Variants in RNF114 observed in about 807,000 individuals in gnomAD.
RNF114 encodes the protein ring finger protein 114.
RNF114 carries 6 observed loss-of-function variants against 28.4 expected under a neutral mutation model. That is an observed-to-expected ratio of 0.21 (90% CI 0.12 to 0.42). The LOEUF (loss-of-function observed/expected upper bound fraction) is 0.42, where lower values mean the gene tolerates loss of function less well. Among genes scored for constraint, RNF114 ranks in the 10% least tolerant of loss-of-function variants. RNF114 has a pLI of 1.00. For missense variants in RNF114, 249 were observed against 311.7 expected (o/e 0.80, Z 1.51); for synonymous variants, 115 against 116.7 (o/e 0.99, Z 0.09).
At chr20:49,939,227 C>T (rs1206019951) in intron 1 of RNF114, among the ~76,000 whole-genome samples, 3 of 152,206 alleles carry the variant, frequency 2.0e-5, no homozygotes, top group Admixed American at 6.5e-5. Context: ...ATTTGTGTTT[C>T]CCTTCACTCT....
intron 5 of RNF114, 45 bp downstream of exon 5, chr20:49,949,400 C>CA (rs1314640726): frequency 1.3e-6 from 2 of 1,482,490 alleles, no homozygotes; most frequent in African/African-American, 2.8e-5. Context: ...GGGGGAGTGG[C>CA]ACGGCTACTT....
At position 49,940,053 on chromosome 20, in the gene RNF114, CAAA is replaced by C. The variant is rs71190515; in HGVS notation, c.141-1488_141-1486del. Among the ~76,000 whole-genome samples the C allele has an allele frequency of 1.9e-3, 142 of 75,554 alleles. 1 individual carries two copies. In the Middle Eastern group the frequency reaches 0.02, roughly 11 times the overall value. 49.6% of individuals were successfully genotyped at this position (75,554 alleles called of 152,430 possible). ...TGGGCAACAGAGCACGACTCTGTCTCAAAAAAAAAAAAAAAAAAAAAAGTAACA... is the reference window on the plus strand; with the variant it reads ...TGGGCAACAGAGCACGACTCTGTCTCAAAAAAAAAAAAAAAAAAAGTAACA... On this transcript the variant is annotated intron_variant, in intron 1 of 5. Transcript: ENST00000244061.
intron 2 of RNF114, 128 bp from the exon 3 acceptor site, chr20:49,945,254 C>G: frequency 1.6e-6 from 1 of 619,920 alleles, no homozygotes; most frequent in Non-Finnish European, 3.0e-6. Context: ...TCAGCGTAGT[C>G]AGGAGTTTGG....
chr20:49,936,968 T>C (rs1232339593), intron 1 of RNF114, among the ~76,000 whole-genome samples: 2 of 152,056 alleles, frequency 1.3e-5, no homozygotes, highest in East Asian at 1.9e-4. Context: ...TGGCGAGTTA[T>C]TCTACTGTGC....
At chr20:49,943,822 C>CTCTATATA (rs1555857450) in intron 2 of RNF114, 1 of 118,326 alleles carries the variant, frequency 8.5e-6, no homozygotes, top group Non-Finnish European at 1.7e-5. Context: ...CCACGCCCAG[C>CTCTATATA]TATATATATA....
At position 49,953,062 on chromosome 20, in the gene RNF114, C is replaced by A. The variant is rs1293957861; in HGVS notation, c.*921C>A. On this transcript the variant is annotated 3_prime_UTR_variant, in exon 6 of 6. Transcript: ENST00000244061. ...TTTGGGGACTCAGCGGATACTAGTTCTTTTACCTTCTGCTTGGTAACTTAG... is the reference window on the plus strand; with the variant it reads ...TTTGGGGACTCAGCGGATACTAGTTATTTTACCTTCTGCTTGGTAACTTAG... 2 of 152,112 alleles carry A rather than the reference C, an allele frequency of 1.3e-5. No homozygotes were observed. Among genetic ancestry groups the A allele is most frequent in the Non-Finnish European group, 2.9e-5 (2 of 68,018 alleles). The allele number at this position is 152,112 out of a possible 1,614,324, so 9.4% of individuals were successfully genotyped here. A position where few individuals can be genotyped will look rare whatever the true frequency, so the allele number is the denominator to read the frequency against.
At chr20:49,945,341 GGT>G in intron 2 of RNF114, 39 bp from the exon 3 acceptor site, 1 of 1,321,764 alleles carries the variant, frequency 7.6e-7, no homozygotes, top group Non-Finnish European at 1.1e-6. Flanking sequence ...CCTGTTGCAA[GGT>G]CCTCACTAAC....
At chr20:49,947,769 GTTTTTTTTTTTTTTTTTTTTT>G (rs71190519) in intron 4 of RNF114, among the ~76,000 whole-genome samples, 9 of 50,422 alleles carry the variant, frequency 1.8e-4, no homozygotes, top group South Asian at 9.4e-4. Context: ...CCCTCTGCAA[GTTTTTTTTTTTTTTTTTTTTT>G]TTTTTTTTTT....
At chr20:49,946,072 G>A (rs1372860321) in intron 3 of RNF114, 64 bp from the exon 4 acceptor site, 3 of 811,634 alleles carry the variant, frequency 3.7e-6, no homozygotes, top group African/African-American at 1.7e-5. Context: ...GTGTACTGTG[G>A]TTGAAGTTTA....
chr20:49,951,972 C>T (rs2090356894), intron 5 of RNF114, 104 bp from the exon 6 acceptor site: 35 of 906,514 alleles, frequency 3.9e-5, no homozygotes, highest in Non-Finnish European at 5.4e-6. Flanking sequence ...CGGTCCCTGG[C>T]AACCTGCTCC....
At chr20:49,950,265 T>C (rs1347690854) in intron 5 of RNF114, among the ~76,000 whole-genome samples, 1 of 148,676 alleles carries the variant, frequency 6.7e-6, no homozygotes, top group African/African-American at 2.5e-5. Context: ...AACAAGAAGA[T>C]GATCTGGTCA....
intron 5 of RNF114, among the ~76,000 whole-genome samples, chr20:49,950,078 C>T (rs987940739): frequency 2.6e-5 from 4 of 151,690 alleles, no homozygotes; most frequent in Non-Finnish European, 4.4e-5. Context: ...AGTGAAATCC[C>T]GTCTTTACTA....
intron 5 of RNF114, among the ~76,000 whole-genome samples, 199 bp downstream of exon 5, chr20:49,949,554 A>C (rs2090347734): frequency 6.6e-6 from 1 of 152,198 alleles, no homozygotes; most frequent in African/African-American, 2.4e-5. Context: ...GCGGGCAGGC[A>C]GCTGTAGCTG....
chr20:49,939,663 C>T (rs1421529028), intron 1 of RNF114, among the ~76,000 whole-genome samples: 2 of 151,942 alleles, frequency 1.3e-5, no homozygotes, highest in Non-Finnish European at 2.9e-5. Context: ...TTCCTGAATT[C>T]ATCCCCTGCT....
Position 49,946,191 on chromosome 20 carries a change from G to A in RNF114, c.454G>A (p.Asp152Asn). 6.2e-7 allele frequency: 1 copy of A among 1,612,080 alleles called. No individual in the cohort carries two copies. Among genetic ancestry groups the A allele is most frequent in the Non-Finnish European group, 8.5e-7 (1 of 1,179,108 alleles). The change falls in exon 4 of 6, where the codon GAT becomes AAT. Residue 152 changes from aspartate (D) to asparagine (N), a missense_variant. Coordinates refer to ENST00000244061, the MANE Select transcript of RNF114 (RefSeq NM_018683.4). ...PCPYCPEKNF[D>N]QEGLVEHCKL... ...TCCTTACTGTCCTGAGAAGAACTTTGATCAGGAAGGACTTGTGGAACACTG... is the reference window on the plus strand; with the variant it reads ...TCCTTACTGTCCTGAGAAGAACTTTAATCAGGAAGGACTTGTGGAACACTG...
chr20:49,943,651 C>CTTTTT (rs60425763), intron 2 of RNF114, among the ~76,000 whole-genome samples: 2,638 of 72,130 alleles, frequency 0.037, 120 homozygotes, highest in African/African-American at 0.046. Flanking sequence ...CTACTGTCTT[C>CTTTTT]TTTTTTTTTT....
intron 2 of RNF114, among the ~76,000 whole-genome samples, chr20:49,943,177 G>A (rs1306655071): frequency 1.3e-5 from 2 of 152,024 alleles, no homozygotes; most frequent in African/African-American, 2.4e-5. Context: ...GCTGAATAGG[G>A]CTATTTTCTG....
chr20:49,942,789 A>G (rs1409181256), intron 2 of RNF114, among the ~76,000 whole-genome samples: 1 of 152,066 alleles, frequency 6.6e-6, no homozygotes, highest in Non-Finnish European at 1.5e-5. Flanking sequence ...GTGCCACTGC[A>G]CTCCATCCTG....
At chr20:49,947,098 T>G (rs1364124305) in intron 4 of RNF114, among the ~76,000 whole-genome samples, 1 of 151,660 alleles carries the variant, frequency 6.6e-6, no homozygotes, top group African/African-American at 2.4e-5. Context: ...CGGGCGCCTT[T>G]AATCCCAGCT....
Sources: allele counts gnomAD v4.1 joint callset (sites outside exome capture counted in the v4.1 genomes callset), GRCh38; gene constraint gnomAD v4.1.1; transcripts MANE v1.5; gene names NCBI Gene and HGNC (gene_info 2026-07-23, HGNC 2026-07-21).